WDR44: variants seen among roughly 807,000 people sequenced by gnomAD.
WDR44 encodes the protein WD repeat-containing protein 44.
A neutral mutation model predicts 65.7 loss-of-function variants in WDR44; 9 were observed. The ratio of observed to expected loss-of-function variants is 0.14; its 90% CI spans 0.08 to 0.24. The LOEUF (loss-of-function observed/expected upper bound fraction) is 0.24. Among genes scored for constraint, WDR44 ranks in the 10% least tolerant of loss-of-function variants. WDR44 has a pLI of 1.00. For missense variants in WDR44, 425 were observed against 670.9 expected (o/e 0.63, Z 4.05); for synonymous variants, 220 against 235.2 (o/e 0.94, Z 0.59).
chrX:118,402,631 C>G (rs1414537378), intron 8 of WDR44, among the ~76,000 whole-genome samples: 1 of 109,149 alleles, frequency 9.2e-6, no homozygotes, highest in Non-Finnish European at 1.9e-5. Context: ...GCCTGTAATC[C>G]CAGCAACTCA....
At position 118,353,302 on chromosome X, in the gene WDR44, T is replaced by G. The variant is rs756478461; in HGVS notation, c.77+6722T>G. Among the ~76,000 whole-genome samples, 307 of 112,060 alleles carry G rather than the reference T, an allele frequency of 2.7e-3. 1 individual carries two copies. The highest frequency in any genetic ancestry group is 9.1e-3 in the African/African-American group (281 of 30,849). The stretch of plus-strand genomic sequence containing the variant: ...AAGCACCTACGACATAATGTGGGCC[T>G]CATACCTGATGGCAACCCTGATGTT... On this transcript the variant is annotated intron_variant, in intron 1 of 19. Coordinates refer to ENST00000254029, the MANE Select transcript of WDR44 (RefSeq NM_019045.5).
At chrX:118,438,480 TGTAGTGCA>T (rs2057273192) in intron 14 of WDR44, among the ~76,000 whole-genome samples, 2 of 111,644 alleles carry the variant, frequency 1.8e-5, no homozygotes, top group African/African-American at 6.5e-5. Flanking sequence ...TCACCCAGGC[TGTAGTGCA>T]GTGGTGCAGT....
At chrX:118,432,509 C>G (rs772660774) in intron 12 of WDR44, among the ~76,000 whole-genome samples, 1 of 111,954 alleles carries the variant, frequency 8.9e-6, no homozygotes, top group East Asian at 2.8e-4. Context: ...GCCGTCACCT[C>G]TCCTGAAGGA....
intron 12 of WDR44, among the ~76,000 whole-genome samples, chrX:118,427,264 G>A (rs1273059421): frequency 1.9e-5 from 2 of 104,651 alleles, no homozygotes; most frequent in Non-Finnish European, 3.9e-5. Flanking sequence ...GCACCACCAT[G>A]CCTGGCTTTT....
At chrX:118,354,135 G>A (rs1335341827) in intron 1 of WDR44, among the ~76,000 whole-genome samples, 1 of 111,214 alleles carries the variant, frequency 9.0e-6, no homozygotes, top group Non-Finnish European at 1.9e-5. Flanking sequence ...ACAAGGATTG[G>A]CCAGGTACAG....
intron 2 of WDR44, among the ~76,000 whole-genome samples, 158 bp from the exon 3 acceptor site, chrX:118,387,181 CA>C (rs61229618): frequency 0.25 from 9,427 of 38,205 alleles, 630 homozygotes; most frequent in African/African-American, 0.4. Flanking sequence ...AACTCTGTCT[CA>C]AAAAAAAAAA....
chrX:118,395,471 C>G (rs1474618070), intron 6 of WDR44, 127 bp downstream of exon 6: 8 of 475,142 alleles, frequency 1.7e-5, no homozygotes, highest in African/African-American at 4.9e-5. Flanking sequence ...ACTTAATGAC[C>G]CAGAACTATA....
intron 12 of WDR44, among the ~76,000 whole-genome samples, chrX:118,429,971 T>A (rs2057194001): frequency 9.0e-6 from 1 of 110,935 alleles, no homozygotes; most frequent in South Asian, 3.8e-4. Context: ...GCAGAAAAGT[T>A]GGAAATGTCT....
intron 1 of WDR44, among the ~76,000 whole-genome samples, chrX:118,357,532 G>A (rs954572671): frequency 4.5e-5 from 5 of 111,391 alleles, no homozygotes; most frequent in Admixed American, 9.5e-5. Context: ...GGGGGCTCAC[G>A]ACAGGTGCTT....
chrX:118,442,647 T>A lies in WDR44; in HGVS notation c.2351T>A (p.Val784Asp). ...CTATCCATGAAGTATAAGGGTTACGTCAATAGCAGCAGCCAGATCAAAGCA... is the reference window on the plus strand; with the variant it reads ...CTATCCATGAAGTATAAGGGTTACGACAATAGCAGCAGCCAGATCAAAGCA... ...LSLSMKYKGY[V>D]NSSSQIKASF... Residue 784 changes from valine (V) to aspartate (D), a missense_variant, in exon 17 of 20, where the codon GTC (valine) becomes GAC (aspartate). Physicochemically the swap from Val to Asp is radical, Grantham distance 152. Coordinates refer to ENST00000254029, the MANE Select transcript of WDR44 (RefSeq NM_019045.5). 1 of 1,211,136 alleles carries A rather than the reference T, an allele frequency of 8.3e-7. No individual in the cohort carries two copies. The highest frequency in any genetic ancestry group is 1.1e-6 in the Non-Finnish European group (1 of 894,980).
rs759565376 is a variant in WDR44 at position 118,393,215 on chromosome X, C to G, written c.770C>G (p.Pro257Arg). 1.7e-6 allele frequency: 2 copies of G among 1,201,244 alleles called. No individual in the cohort carries two copies. The highest frequency in any genetic ancestry group is 4.7e-5 in the Admixed American group (2 of 42,540). ...PPPPSRPAPP[P>R]RKRKSELEFE... ...CCTCCTTCTCGACCTGCTCCACCAC[C>G]AAGAAAAAGGAAAAGCGAATTGGAA... Residue 257 changes from proline (P) to arginine (R), a missense_variant, in exon 4 of 20, where the codon CCA (proline) becomes CGA (arginine). Physicochemically the swap from Pro to Arg is moderately radical, Grantham distance 103 (BLOSUM62 -2). This residue lies in a region of WDR44 where 193 missense variants were observed against 209.0 expected (regional missense o/e 0.92). Transcript: ENST00000254029.
In WDR44 at chrX:118,435,946, C is replaced by T. The variant is rs191396642; in HGVS notation, c.1852-756C>T. Among the ~76,000 whole-genome samples, 179 of 112,212 alleles carry T rather than the reference C, an allele frequency of 1.6e-3. 1 individual carries two copies. Among genetic ancestry groups the T allele is most frequent in the African/African-American group, 5.4e-3 (167 of 30,916 alleles). ...CCTTGATTTGTTTAGCACCTTTAGG[C>T]ACACCAAAGAATACAGAGGTATCAT... On this transcript the variant is annotated intron_variant, in intron 13 of 19. Coordinates refer to ENST00000254029, the MANE Select transcript of WDR44 (RefSeq NM_019045.5).
intron 14 of WDR44, among the ~76,000 whole-genome samples, chrX:118,437,991 G>A (rs184090171): frequency 4.6e-5 from 5 of 108,682 alleles, no homozygotes; most frequent in East Asian, 5.8e-4. Flanking sequence ...AGCTGAGATC[G>A]CGCCAGCCTG....
intron 1 of WDR44, among the ~76,000 whole-genome samples, chrX:118,352,335 TA>T (rs1324542002): frequency 1.7e-4 from 3 of 18,161 alleles, no homozygotes; most frequent in East Asian, 2.9e-3. Context: ...TATATATATA[TA>T]TATATATATA....
intron 8 of WDR44, among the ~76,000 whole-genome samples, chrX:118,398,963 G>C: frequency 8.9e-6 from 1 of 111,834 alleles, no homozygotes; most frequent in Non-Finnish European, 1.9e-5. Flanking sequence ...ACCAGTAAGT[G>C]TTGCACCATA....
At chrX:118,358,149 A>G (rs2056479422) in intron 1 of WDR44, among the ~76,000 whole-genome samples, 1 of 112,459 alleles carries the variant, frequency 8.9e-6, no homozygotes, top group Admixed American at 9.4e-5. Context: ...TAGGTTGTAG[A>G]AAGAATGTTT....
chrX:118,350,396 G>T (rs750717218), intron 1 of WDR44, among the ~76,000 whole-genome samples: 8 of 111,462 alleles, frequency 7.2e-5, no homozygotes, highest in African/African-American at 2.6e-4. Context: ...AAGAGGAATC[G>T]TGTGGTACAC....
intron 3 of WDR44, among the ~76,000 whole-genome samples, chrX:118,392,296 T>G (rs2056827085): frequency 8.9e-6 from 1 of 112,114 alleles, no homozygotes; most frequent in Admixed American, 9.5e-5. Context: ...TTGAACTTGA[T>G]TTTACAGGAT....
At chrX:118,382,071 G>A (rs2056723210) in intron 2 of WDR44, among the ~76,000 whole-genome samples, 2 of 111,159 alleles carry the variant, frequency 1.8e-5, no homozygotes, top group Non-Finnish European at 3.8e-5. Flanking sequence ...GTCTTGCTAG[G>A]TTGTCCAGAC....
Sources: allele counts gnomAD v4.1 joint callset (sites outside exome capture counted in the v4.1 genomes callset), GRCh38; gene constraint gnomAD v4.1.1; regional missense constraint gnomAD v4.1.1; transcripts MANE v1.5; gene names NCBI Gene and HGNC (gene_info 2026-07-23, HGNC 2026-07-21).